The following COL10A1 variants were observed in gnomAD, a reference collection of about 807,000 sequenced individuals.
COL10A1 encodes the protein collagen alpha-1(X) chain.
In COL10A1, 10 loss-of-function variants were observed where a neutral mutation model predicts 18.2. That is an observed-to-expected ratio of 0.55 (90% CI 0.34 to 0.93). The LOEUF (loss-of-function observed/expected upper bound fraction) is 0.93. Ranked by LOEUF, COL10A1 falls within the 40% of genes least tolerant of loss-of-function variation. COL10A1 has a pLI of 0.02. For synonymous variants in COL10A1, 330 were observed against 316.6 expected, an observed-to-expected ratio of 1.04 and a Z score of -0.45; for missense variants, 897 against 853.5, an observed-to-expected ratio of 1.05 and a Z score of -0.64.
chr6:116,121,162 AC>A lies in COL10A1; in HGVS notation c.953del (p.Gly318ValfsTer19), dbSNP rs768649324. On this transcript the variant is annotated frameshift_variant, in exon 3 of 3. Coordinates refer to ENST00000651968, the MANE Select transcript of COL10A1 (RefSeq NM_000493.4). LOFTEE classifies it high-confidence loss of function. The stretch of plus-strand genomic sequence containing the variant: ...GCCCTTGTTCCCCTTTGGCACCTGG[AC>A]CCCCAGGAAGGCCAGCAGGTCCTCT... ...GERGPAGLPG[G>X]PGAKGEQGPA... The A allele has an allele frequency of 3.1e-6, 5 of 1,612,582 alleles. No individual in the cohort carries two copies.
At chr6:116,173,104 G>C in the COL10A1 span, among the ~76,000 whole-genome samples, 6 of 152,100 alleles carry the variant, frequency 3.9e-5, no homozygotes, top group Non-Finnish European at 7.4e-5. Context: ...AATTTGTGGT[G>C]ATCCATTATG....
chr6:116,146,315 GGCGTCAACCTGT>G (rs1163118225), intron 1 of COL10A1, among the ~76,000 whole-genome samples: 1 of 152,088 alleles, frequency 6.6e-6, no homozygotes, highest in East Asian at 1.9e-4. Flanking sequence ...TTGAGTAGGT[GGCGTCAACCTGT>G]GATTTTTAGA....
In COL10A1 at chr6:116,125,344, C is replaced by T. The variant is rs758830415; in HGVS notation, c.149G>A (p.Ser50Asn). ...AAATATACAATTCAATTTACCTTTA[C>T]TCTTTATGGTGTAGGGAATGAAGAA... ...TQFFIPYTIK[S>N]KGIAVRGEQG... The change falls in exon 2 of 3, where the codon AGT (serine) becomes AAT (asparagine). Residue 50 changes from serine (S) to asparagine (N), a missense_variant. By Grantham distance (46) the Ser-to-Asn change is conservative. Coordinates refer to ENST00000651968, the MANE Select transcript of COL10A1 (RefSeq NM_000493.4). 3.8e-5 allele frequency: 62 copies of T among 1,613,258 alleles called. No individual in the cohort carries two copies. The highest frequency in any genetic ancestry group is 5.0e-5 in the Non-Finnish European group (59 of 1,179,618).
upstream of COL10A1, among the ~76,000 whole-genome samples, chr6:116,163,420 A>G (rs986278249): frequency 2.0e-5 from 3 of 151,904 alleles, no homozygotes; most frequent in African/African-American, 7.2e-5. Flanking sequence ...AGAGATGTTC[A>G]TAGTAGTTTC....
At chr6:116,211,754 A>C in the COL10A1 span, among the ~76,000 whole-genome samples, 2 of 152,072 alleles carry the variant, frequency 1.3e-5, no homozygotes, top group Non-Finnish European at 2.9e-5. Context: ...TTTCTCGACT[A>C]TAACAAAGGG....
the COL10A1 span, among the ~76,000 whole-genome samples, chr6:116,178,106 CGTG>C: frequency 7.6e-6 from 1 of 130,740 alleles, no homozygotes; most frequent in African/African-American, 3.1e-5. Context: ...CGCGCGCGTG[CGTG>C]CGTGTGTGTG....
intron 1 of COL10A1, among the ~76,000 whole-genome samples, chr6:116,131,319 C>T (rs1178328261): frequency 5.9e-5 from 9 of 152,152 alleles, no homozygotes; most frequent in Non-Finnish European, 2.9e-5. Context: ...CTGACCTATC[C>T]ACCCTGTGTT....
At chr6:116,167,206 A>ATTT in the COL10A1 span, among the ~76,000 whole-genome samples, 469 of 87,816 alleles carry the variant, frequency 5.3e-3, 1 homozygote, top group Middle Eastern at 0.028. Flanking sequence ...CAAATAGAAG[A>ATTT]TTTTTTTTTT....
intron 1 of COL10A1, among the ~76,000 whole-genome samples, chr6:116,136,593 A>C (rs1425994153): frequency 1.3e-5 from 2 of 152,196 alleles, no homozygotes; most frequent in South Asian, 4.1e-4. Flanking sequence ...AACACTTACT[A>C]TAAATTGCTG....
chr6:116,192,134 CTG>C, the COL10A1 span, among the ~76,000 whole-genome samples: 1 of 151,882 alleles, frequency 6.6e-6, no homozygotes, highest in Admixed American at 6.6e-5. Flanking sequence ...GAGTGGTAGT[CTG>C]TGTGATGTTT....
At chr6:116,146,445 G>C (rs1486333930) in intron 1 of COL10A1, among the ~76,000 whole-genome samples, 1 of 152,160 alleles carries the variant, frequency 6.6e-6, no homozygotes, top group Non-Finnish European at 1.5e-5. Context: ...AACTGGAGTT[G>C]CTTTACTCAA....
the COL10A1 span, among the ~76,000 whole-genome samples, chr6:116,203,609 A>C: frequency 5.9e-5 from 9 of 151,884 alleles, no homozygotes; most frequent in Non-Finnish European, 1.2e-4. Context: ...ACCACATTTT[A>C]TTTATTCATC....
At chr6:116,193,668 CAA>C in the COL10A1 span, among the ~76,000 whole-genome samples, 85 of 152,132 alleles carry the variant, frequency 5.6e-4, no homozygotes, top group South Asian at 4.1e-3. Flanking sequence ...CATTTAAAAA[CAA>C]GAGTATTTTC....
chr6:116,197,830 A>G, the COL10A1 span, among the ~76,000 whole-genome samples: 1 of 152,068 alleles, frequency 6.6e-6, no homozygotes, highest in Non-Finnish European at 1.5e-5. Flanking sequence ...TATGTTTGCT[A>G]CCATTGAGAA....
At chr6:116,172,317 CTTT>C in the COL10A1 span, among the ~76,000 whole-genome samples, 3 of 108,018 alleles carry the variant, frequency 2.8e-5, no homozygotes, top group African/African-American at 7.2e-5. Context: ...CCCTTAGTAA[CTTT>C]TTTTTTTTTT....
At position 116,153,884 on chromosome 6, in the gene COL10A1, G is replaced by A. The variant is rs537058883; in HGVS notation, c.-16+4730C>T. On this transcript the variant is annotated intron_variant, in intron 1 of 1. Coordinates refer to the COL10A1 transcript ENST00000418500. ...ACAGAAATGCAATTTGGCAAAATAA[G>A]CATCAAAAGGAAAAGTAAATCTTAC... Among the ~76,000 whole-genome samples the A allele has an allele frequency of 5.3e-5, 8 of 152,162 alleles. No homozygotes were observed. In the East Asian group the frequency reaches 1.4e-3, roughly 26 times the overall value.
chr6:116,180,219 TTG>T, the COL10A1 span, among the ~76,000 whole-genome samples: 1 of 152,056 alleles, frequency 6.6e-6, no homozygotes, highest in Non-Finnish European at 1.5e-5. Context: ...TAAAAGTGTG[TTG>T]TGTCTCATTT....
upstream of COL10A1, among the ~76,000 whole-genome samples, chr6:116,162,248 C>A (rs889779320): frequency 3.3e-5 from 5 of 152,162 alleles, no homozygotes; most frequent in South Asian, 2.1e-4. Context: ...TTCCACTTTT[C>A]CGATTTGGAT....
intron 1 of COL10A1, among the ~76,000 whole-genome samples, chr6:116,136,661 A>T (rs772760012): frequency 6.6e-6 from 1 of 152,178 alleles, no homozygotes; most frequent in African/African-American, 2.4e-5. Flanking sequence ...CTGTTCTGAT[A>T]TGGCAGTATC....
Sources: allele counts gnomAD v4.1 joint callset (sites outside exome capture counted in the v4.1 genomes callset), GRCh38; gene constraint gnomAD v4.1.1; transcripts MANE v1.5; gene names NCBI Gene and HGNC (gene_info 2026-07-23, HGNC 2026-07-21).